DNAH12: variants seen among roughly 807,000 people sequenced by gnomAD.
DNAH12 encodes the protein axonemal beta dynein heavy chain 12.
Under a neutral mutation model 371.5 loss-of-function variants are expected in DNAH12, and 285 were observed. The observed-to-expected ratio is 0.77, with a 90% CI of 0.70 to 0.85. The LOEUF is 0.85. Among genes scored for constraint, DNAH12 ranks in the 40% least tolerant of loss-of-function variants. DNAH12 has a pLI of 0.00. For missense variants in DNAH12, 3,611 were observed against 3,689.4 expected, an observed-to-expected ratio of 0.98 and a Z score of 0.55; for synonymous variants, 1,200 against 1,213.0, an observed-to-expected ratio of 0.99 and a Z score of 0.22.
upstream of DNAH12, among the ~76,000 whole-genome samples, chr3:57,546,370 G>A (rs2069575468): frequency 1.3e-5 from 2 of 152,144 alleles, no homozygotes; most frequent in Admixed American, 1.3e-4. Context: ...CAGACAATGA[G>A]AAACTGTTAC....
At chr3:57,469,626 T>C (rs984581968) in intron 16 of DNAH12, among the ~76,000 whole-genome samples, 1 of 152,166 alleles carries the variant, frequency 6.6e-6, no homozygotes, top group Non-Finnish European at 1.5e-5. Context: ...TTGGTACATA[T>C]ACACCATGGA....
At chr3:57,309,369 CGTACA>C (rs1296063699) in intron 68 of DNAH12, 115 bp from the exon 69 acceptor site, 1 of 835,326 alleles carries the variant, frequency 1.2e-6, no homozygotes, top group African/African-American at 1.7e-5. Context: ...TAGCTCATAA[CGTACA>C]GTAATGTATA....
At chr3:57,309,025 T>C (rs1575430280) in intron 69 of DNAH12, 126 bp downstream of exon 69, 1 of 601,518 alleles carries the variant, frequency 1.7e-6, no homozygotes, top group South Asian at 2.5e-5. Context: ...CTGAGAAACA[T>C]CGCCCATTCT....
the DNAH12 span, among the ~76,000 whole-genome samples, chr3:57,554,615 CTTTT>C: frequency 6.6e-6 from 1 of 151,874 alleles, no homozygotes; most frequent in East Asian, 1.9e-4. Context: ...TCTTCAAGAC[CTTTT>C]TTTGTTTTGT....
At chr3:57,486,878 T>A (rs2066937212) in intron 12 of DNAH12, among the ~76,000 whole-genome samples, 1 of 151,898 alleles carries the variant, frequency 6.6e-6, no homozygotes, top group South Asian at 2.1e-4. Flanking sequence ...AAAAGAATGA[T>A]GGAGTGTCAA....
At chr3:57,319,056 G>T (rs919265286) in intron 65 of DNAH12, among the ~76,000 whole-genome samples, 2 of 151,956 alleles carry the variant, frequency 1.3e-5, no homozygotes, top group African/African-American at 4.8e-5. Flanking sequence ...TCAATGTTTT[G>T]TAGTTTTCAG....
intron 60 of DNAH12, among the ~76,000 whole-genome samples, chr3:57,346,418 T>TA (rs1553658050): frequency 1.3e-5 from 2 of 151,324 alleles, no homozygotes; most frequent in African/African-American, 4.9e-5. Flanking sequence ...TCAAGGGCAA[T>TA]AACAAAAAAA....
chr3:57,334,808 A>G lies in DNAH12; in HGVS notation c.9807T>C (p.Ser3269=), dbSNP rs1249116192. ...DKSWEEICRA[S]EFPAFRGLRQ... is the part of the protein sequence containing the mutation. ...TGAGTCCTCTGAAGGCAGGAAATTC[A>G]CTTGCCCGACAGATTTCCTCCCAGC... The change falls in exon 61 of 74, where the codon AGT becomes AGC. Residue 3269 remains serine (S), a synonymous_variant. Transcript: ENST00000495027. 5 of 1,551,618 alleles carry G rather than the reference A, an allele frequency of 3.2e-6. No homozygotes were observed. In the South Asian group the frequency reaches 4.8e-5, roughly 15 times the overall value.
At chr3:57,350,002 T>C (rs923465653) in intron 60 of DNAH12, among the ~76,000 whole-genome samples, 115 of 152,230 alleles carry the variant, frequency 7.6e-4, no homozygotes, top group African/African-American at 2.8e-3. Flanking sequence ...GAGACTATTA[T>C]TCTAAGTGAA....
At chr3:57,388,451 A>C (rs1403078348) in intron 45 of DNAH12, among the ~76,000 whole-genome samples, 1 of 151,770 alleles carries the variant, frequency 6.6e-6, no homozygotes, top group Non-Finnish European at 1.5e-5. Context: ...ATGCATTTTA[A>C]GACCATTTTT....
rs1235131894 is a variant in DNAH12 at position 57,366,843 on chromosome 3, A to G, written c.9053T>C (p.Leu3018Pro). The G allele has an allele frequency of 6.6e-6, 1 of 152,164 alleles. No individual in the cohort carries two copies. The highest frequency in any genetic ancestry group is 1.5e-5 in the Non-Finnish European group (1 of 68,030). The allele number at this position is 152,164 out of a possible 1,614,324, so 9.4% of individuals were successfully genotyped here. The change falls in exon 57 of 74, where the codon CTG becomes CCG. Residue 3018 changes from leucine (L) to proline (P), a missense_variant. Leu to Pro is a moderately conservative substitution (Grantham distance 98). Around this residue, in one of 3 missense-constraint regions of DNAH12, gnomAD observed 2,266 missense variants for 2,236.9 expected, o/e 1.01. Transcript: ENST00000495027. Reference protein sequence around the residue: ...FDFKFYITTKLRNPHYMPELA... With the variant: ...FDFKFYITTKPRNPHYMPELA... ...TTCTGGCATATAGTGCGGGTTTCTC[A>G]GTTTTGTGGTGATATAAAATTTGAA...
intron 25 of DNAH12, among the ~76,000 whole-genome samples, chr3:57,447,435 C>T (rs924422716): frequency 6.6e-6 from 1 of 151,980 alleles, no homozygotes; most frequent in Non-Finnish European, 1.5e-5. Flanking sequence ...AATTTAACTT[C>T]TTTTAGAAAA....
At chr3:57,435,373 CAAA>C (rs34515598) in intron 30 of DNAH12, among the ~76,000 whole-genome samples, 1,744 of 94,770 alleles carry the variant, frequency 0.018, 32 homozygotes, top group African/African-American at 0.065. Context: ...CTCTGTCTCC[CAAA>C]AAAAAAAAAA....
intron 37 of DNAH12, among the ~76,000 whole-genome samples, chr3:57,418,365 C>CAAAAA (rs57508616): frequency 4.7e-5 from 2 of 42,872 alleles, no homozygotes; most frequent in African/African-American, 8.6e-5. Context: ...CCTGTCTCTA[C>CAAAAA]AAAAAAAAAA....
intron 11 of DNAH12, among the ~76,000 whole-genome samples, chr3:57,499,630 CAAA>C (rs1220632097): frequency 0.017 from 253 of 14,828 alleles, 16 homozygotes; most frequent in African/African-American, 0.056. Context: ...ACCATCTCTA[CAAA>C]AAAAAAAAAA....
intron 73 of DNAH12, among the ~76,000 whole-genome samples, chr3:57,294,495 G>T (rs2061192081): frequency 6.6e-6 from 1 of 152,142 alleles, no homozygotes; most frequent in Non-Finnish European, 1.5e-5. Flanking sequence ...ATTTCGTATG[G>T]TGCATGATTC....
intron 73 of DNAH12, among the ~76,000 whole-genome samples, chr3:57,294,288 T>C (rs1453639135): frequency 6.6e-6 from 1 of 151,906 alleles, no homozygotes; most frequent in African/African-American, 2.4e-5. Context: ...GCGATTCTCT[T>C]GTCTCAGCCT....
intron 11 of DNAH12, chr3:57,498,517 A>G: frequency 1.4e-6 from 1 of 716,498 alleles, no homozygotes; most frequent in South Asian, 1.5e-5. Context: ...TACACTTCCC[A>G]TACCACCCAG....
rs2107686755 is a variant in DNAH12 at position 57,314,480 on chromosome 3, C to T, written c.10662+14G>A. 6.4e-7 allele frequency: 1 copy of T among 1,550,752 alleles called. No homozygotes were observed. The highest frequency in any genetic ancestry group is 8.7e-7 in the Non-Finnish European group (1 of 1,146,720). ...AGTGATCCTTCATGAATGTTAATTT[C>T]TTGTTAATTTTACCTGCAGTTGTCG... is the stretch of plus-strand genomic sequence containing the variant. On this transcript the variant is annotated intron_variant, in intron 66 of 73. Coordinates refer to ENST00000495027, the MANE Select transcript of DNAH12 (RefSeq NM_001366028.2).
Sources: gnomAD v4.1 joint callset for allele counts (sites outside exome capture counted in the v4.1 genomes callset) on GRCh38, gnomAD v4.1.1 for gene constraint, gnomAD v4.1.1 regional missense constraint, MANE v1.5 for transcripts, NCBI Gene and HGNC (gene_info 2026-07-23, HGNC 2026-07-21) for gene names.